The following ZCCHC2 variants were observed in gnomAD, a reference collection of about 807,000 sequenced individuals.
ZCCHC2 encodes zinc finger CCHC domain-containing protein 2.
In ZCCHC2, 39 loss-of-function variants were observed where a neutral mutation model predicts 103.6. That is an observed-to-expected ratio of 0.38 (90% CI 0.29 to 0.49). The LOEUF (loss-of-function observed/expected upper bound fraction) is 0.49. ZCCHC2 is among the 20% of genes least tolerant of loss of function. The pLI, the probability that ZCCHC2 is intolerant of heterozygous loss-of-function variation, is 0.96. For missense variants in ZCCHC2, 1,483 were observed against 1,491.0 expected (o/e 0.99, Z 0.09); for synonymous variants, 687 against 608.9 (o/e 1.13, Z -1.89).
Position 62,564,598 on chromosome 18 carries a change from T to A in ZCCHC2, c.1714T>A (p.Ser572Thr). 2.6e-6 allele frequency: 4 copies of A among 1,544,720 alleles called. No individual in the cohort carries two copies. The highest frequency in any genetic ancestry group is 3.5e-6 in the Non-Finnish European group (4 of 1,143,658). ...QHSAEKRSLS[S>T]INKKKGKPQT... ...TTCTGCTGAAAAACGGAGTTTATCT[T>A]CAATAAATAAGAAGAAAGGAAAGCC... Residue 572 changes from serine to threonine, a missense_variant, in exon 10 of 14, where the codon TCA becomes ACA. Ser to Thr is a moderately conservative substitution (Grantham distance 58). Around this residue, in one of 3 missense-constraint regions of ZCCHC2, gnomAD observed 884 missense variants for 907.5 expected, o/e 0.97. Coordinates refer to ENST00000269499, the MANE Select transcript of ZCCHC2 (RefSeq NM_017742.6).
intron 4 of ZCCHC2, among the ~76,000 whole-genome samples, chr18:62,547,474 C>G (rs368536879): frequency 6.6e-6 from 1 of 151,930 alleles, no homozygotes; most frequent in South Asian, 2.1e-4. Context: ...TATTTCAAGT[C>G]CTTTTTTCCC....
intron 8 of ZCCHC2, among the ~76,000 whole-genome samples, chr18:62,561,382 GTTTC>G (rs1333715434): frequency 6.6e-6 from 1 of 152,102 alleles, no homozygotes; most frequent in East Asian, 1.9e-4. Context: ...CTCACCTCCA[GTTTC>G]TCCTGCAGAT....
rs1302508643 is a variant in ZCCHC2, at chr18:62,578,329, G to C, written c.*1750G>C. 1.3e-5 allele frequency: 2 copies of C among 152,636 alleles called. No individual in the cohort carries two copies. The highest frequency in any genetic ancestry group is 1.9e-4 in the East Asian group (1 of 5,198). 9.5% of individuals were successfully genotyped at this position (152,636 alleles called of 1,614,324 possible). ...AGCTGCAGTTGAGTTGTTCAAGTGA[G>C]AGTTTTGATAAGCCACTTATGGGCC... On this transcript the variant is annotated 3_prime_UTR_variant, in exon 14 of 14. Coordinates refer to ENST00000269499, the MANE Select transcript of ZCCHC2 (RefSeq NM_017742.6).
At chr18:62,570,012 A>G (rs1916529312) in intron 11 of ZCCHC2, 91 bp from the exon 12 acceptor site, 2 of 1,310,420 alleles carry the variant, frequency 1.5e-6, no homozygotes, top group East Asian at 5.2e-5. Flanking sequence ...ACTGAAGAAA[A>G]TATAGCTAAA....
intron 1 of ZCCHC2, among the ~76,000 whole-genome samples, chr18:62,528,838 A>T (rs985611002): frequency 6.6e-6 from 1 of 152,016 alleles, no homozygotes; most frequent in Non-Finnish European, 1.5e-5. Context: ...GATTGTCAGA[A>T]TTTCAGTTAT....
At chr18:62,560,749 C>G in intron 8 of ZCCHC2, 105 bp downstream of exon 8, 2 of 887,128 alleles carry the variant, frequency 2.3e-6, no homozygotes, top group Non-Finnish European at 3.3e-6. Flanking sequence ...TGTCATTTTG[C>G]TATTTGCTTT....
intron 1 of ZCCHC2, among the ~76,000 whole-genome samples, chr18:62,525,692 T>C (rs951116641): frequency 6.6e-6 from 1 of 152,098 alleles, no homozygotes; most frequent in Non-Finnish European, 1.5e-5. Context: ...ATTCATGTTT[T>C]GGGACGTATT....
chr18:62,550,514 G>A (rs1213555654), intron 5 of ZCCHC2, 54 bp downstream of exon 5: 18 of 1,327,890 alleles, frequency 1.4e-5, no homozygotes, highest in Admixed American at 4.1e-5. Flanking sequence ...ACAAAGGGCC[G>A]CTCCAAATGG....
intron 1 of ZCCHC2, among the ~76,000 whole-genome samples, chr18:62,532,456 T>G (rs1568538205): frequency 6.6e-6 from 1 of 152,228 alleles, no homozygotes; most frequent in Non-Finnish European, 1.5e-5. Flanking sequence ...TACTACCAGA[T>G]ACACCTTTCT....
chr18:62,586,039 G>A (rs1167061745), exon 15 of ZCCHC2: 3 of 152,032 alleles, frequency 2.0e-5, no homozygotes, highest in South Asian at 2.1e-4. Flanking sequence ...TTCAGCAGGC[G>A]GGACTCCCGG....
At chr18:62,553,160 G>A (rs1290932681) in intron 5 of ZCCHC2, among the ~76,000 whole-genome samples, 78 of 28,788 alleles carry the variant, frequency 2.7e-3, no homozygotes, top group African/African-American at 7.5e-3. Context: ...AGATTTATGT[G>A]TGTGTGTGTG....
chr18:62,548,610 A>G (rs1445115589), intron 4 of ZCCHC2, among the ~76,000 whole-genome samples: 4 of 152,222 alleles, frequency 2.6e-5, no homozygotes, highest in Admixed American at 2.0e-4. Context: ...ATAAATATTG[A>G]AATGAGGGAT....
chr18:62,549,137 T>C (rs1221962965), intron 4 of ZCCHC2, among the ~76,000 whole-genome samples: 1 of 151,516 alleles, frequency 6.6e-6, no homozygotes, highest in Non-Finnish European at 1.5e-5. Flanking sequence ...GAGAATGGTG[T>C]GAACCCGGGA....
chr18:62,563,192 T>C, intron 9 of ZCCHC2, 48 bp downstream of exon 9: 1 of 1,561,562 alleles, frequency 6.4e-7, no homozygotes, highest in Non-Finnish European at 8.7e-7. Context: ...GCATTGCTCC[T>C]CTATAAGAAA....
chr18:62,561,550 C>T (rs985815027), intron 8 of ZCCHC2, among the ~76,000 whole-genome samples: 2 of 152,220 alleles, frequency 1.3e-5, no homozygotes, highest in African/African-American at 4.8e-5. Flanking sequence ...TGGGAGGGCC[C>T]AGAAGCTCGG....
chr18:62,576,465 G>A (rs558969000), intron 13 of ZCCHC2, 47 bp from the exon 14 acceptor site: 2 of 1,532,898 alleles, frequency 1.3e-6, no homozygotes, highest in East Asian at 2.3e-5. Context: ...GGTTTGTGAT[G>A]ACGTTTGCTT....
downstream of ZCCHC2, among the ~76,000 whole-genome samples, chr18:62,580,062 A>G (rs1036304986): frequency 1.3e-5 from 2 of 152,044 alleles, no homozygotes; most frequent in Non-Finnish European, 2.9e-5. Flanking sequence ...TTATTTCCCC[A>G]CACACTGCTC....
intron 5 of ZCCHC2, chr18:62,551,222 AATC>A (rs1915649585): frequency 6.6e-6 from 1 of 152,170 alleles, no homozygotes; most frequent in Admixed American, 6.6e-5. Context: ...GGGGATGTAA[AATC>A]ATTATGTGGA....
At chr18:62,537,450 C>A (rs776608021) in intron 1 of ZCCHC2, among the ~76,000 whole-genome samples, 1 of 152,180 alleles carries the variant, frequency 6.6e-6, no homozygotes, top group Non-Finnish European at 1.5e-5. Flanking sequence ...GGATTGCAGG[C>A]GTGAGCTACC....
Sources: allele counts gnomAD v4.1 joint callset (sites outside exome capture counted in the v4.1 genomes callset), GRCh38; gene constraint gnomAD v4.1.1; regional missense constraint gnomAD v4.1.1; transcripts MANE v1.5; gene names NCBI Gene and HGNC (gene_info 2026-07-23, HGNC 2026-07-21).